Variants in CSRNP3 observed in about 807,000 individuals in gnomAD.
CSRNP3 encodes cysteine and serine rich nuclear protein 3.
A neutral mutation model predicts 48.0 loss-of-function variants in CSRNP3; 12 were observed. The observed-to-expected ratio is 0.25, with a 90% CI of 0.16 to 0.41. The LOEUF is 0.41. Ranked by LOEUF, CSRNP3 falls within the 10% of genes least tolerant of loss-of-function variation. The pLI, the probability that CSRNP3 is intolerant of heterozygous loss-of-function variation, is 1.00. For missense variants in CSRNP3, 580 were observed against 724.4 expected (o/e 0.80, Z 2.29); for synonymous variants, 263 against 269.7 (o/e 0.98, Z 0.24).
At chr2:165,666,146 GAGAGAGGAAGAA>G (rs1687193673) in intron 5 of CSRNP3, among the ~76,000 whole-genome samples, 1 of 134,264 alleles carries the variant, frequency 7.4e-6, no homozygotes, top group African/African-American at 2.8e-5. Context: ...AGGAAGGAAA[GAGAGAGGAAGAA>G]AGAGAGAGAG....
chr2:165,604,248 C>T (rs914700113), intron 4 of CSRNP3, among the ~76,000 whole-genome samples: 1 of 152,174 alleles, frequency 6.6e-6, no homozygotes, highest in African/African-American at 2.4e-5. Flanking sequence ...TATTTATGCA[C>T]ACATCTTATC....
rs917523668 is a variant in CSRNP3, at chr2:165,541,688, C to A, written c.-24+23727C>A. Among the ~76,000 whole-genome samples the A allele has an allele frequency of 1.3e-3, 196 of 152,026 alleles. 1 individual carries two copies. The highest frequency in any genetic ancestry group is 1.8e-3 in the Non-Finnish European group (122 of 68,010). Reference sequence around the variant, plus strand: ...AATATCTCCTAAACTCTCATGTGACCACTGTAGACCTCACACCCATGATCA... The same window carrying A: ...AATATCTCCTAAACTCTCATGTGACAACTGTAGACCTCACACCCATGATCA... On this transcript the variant is annotated intron_variant, in intron 3 of 6. Coordinates refer to ENST00000651982, the MANE Select transcript of CSRNP3 (RefSeq NM_001172173.2).
At chr2:165,531,853 G>A (rs1352330437) in intron 3 of CSRNP3, among the ~76,000 whole-genome samples, 8 of 151,776 alleles carry the variant, frequency 5.3e-5, no homozygotes, top group Non-Finnish European at 1.0e-4. Flanking sequence ...TCAAATAGAC[G>A]CAATAAAAAA....
intron 4 of CSRNP3, among the ~76,000 whole-genome samples, chr2:165,596,552 C>G (rs1002102861): frequency 3.9e-5 from 6 of 151,910 alleles, no homozygotes; most frequent in Non-Finnish European, 8.8e-5. Context: ...ACTAATTAGA[C>G]AATATGATGA....
chr2:165,502,275 A>AT (rs1262129882), intron 2 of CSRNP3, among the ~76,000 whole-genome samples: 7 of 152,020 alleles, frequency 4.6e-5, no homozygotes, highest in Non-Finnish European at 7.4e-5. Flanking sequence ...AATTTCATCA[A>AT]TGTTTATAAA....
chr2:165,594,319 T>C (rs1685774704), intron 3 of CSRNP3, among the ~76,000 whole-genome samples: 1 of 152,220 alleles, frequency 6.6e-6, no homozygotes, highest in Non-Finnish European at 1.5e-5. Flanking sequence ...TACTTGACTG[T>C]GCCAGTTCAT....
At chr2:165,614,187 A>G (rs1558950826) in intron 4 of CSRNP3, among the ~76,000 whole-genome samples, 1 of 151,784 alleles carries the variant, frequency 6.6e-6, no homozygotes, top group Non-Finnish European at 1.5e-5. Context: ...GGTTTTTTTT[A>G]TTTGTAGCTG....
chr2:165,513,250 A>G (rs1161624203), intron 2 of CSRNP3, among the ~76,000 whole-genome samples: 1 of 152,192 alleles, frequency 6.6e-6, no homozygotes, highest in Non-Finnish European at 1.5e-5. Context: ...TAATTATGCA[A>G]TGCTGTATTT....
chr2:165,669,175 T>C (rs1048156864), intron 5 of CSRNP3, among the ~76,000 whole-genome samples: 1 of 152,240 alleles, frequency 6.6e-6, no homozygotes, highest in Admixed American at 6.5e-5. Flanking sequence ...TTCACATTCT[T>C]GTTTCTGGAA....
At chr2:165,498,783 G>A (rs977916906) in intron 2 of CSRNP3, among the ~76,000 whole-genome samples, 2 of 152,058 alleles carry the variant, frequency 1.3e-5, no homozygotes, top group African/African-American at 4.8e-5. Context: ...ATCGTTTGAA[G>A]GATATGGCTT....
At chr2:165,519,902 T>G (rs1027872031) in intron 3 of CSRNP3, among the ~76,000 whole-genome samples, 6 of 152,116 alleles carry the variant, frequency 3.9e-5, no homozygotes, top group Non-Finnish European at 5.9e-5. Flanking sequence ...CTAATGACTT[T>G]GCACTACATA....
At chr2:165,533,062 A>AT (rs1374401715) in intron 3 of CSRNP3, among the ~76,000 whole-genome samples, 1 of 152,112 alleles carries the variant, frequency 6.6e-6, no homozygotes, top group Non-Finnish European at 1.5e-5. Flanking sequence ...AATATGGTAT[A>AT]TTTTAAATGT....
chr2:165,576,699 C>G (rs1237087709), intron 3 of CSRNP3, among the ~76,000 whole-genome samples: 1 of 151,932 alleles, frequency 6.6e-6, no homozygotes. Flanking sequence ...TACTTCCATA[C>G]AAATCTCAGC....
At chr2:165,609,776 GT>G (rs1293720356) in intron 4 of CSRNP3, among the ~76,000 whole-genome samples, 1 of 152,152 alleles carries the variant, frequency 6.6e-6, no homozygotes, top group African/African-American at 2.4e-5. Flanking sequence ...ACATGTGACA[GT>G]TATGCGTTTG....
At chr2:165,619,357 G>C (rs1363058341) in intron 4 of CSRNP3, among the ~76,000 whole-genome samples, 1 of 151,922 alleles carries the variant, frequency 6.6e-6, no homozygotes, top group Admixed American at 6.6e-5. Flanking sequence ...CATACAATCC[G>C]AAAACTACAA....
At chr2:165,559,198 A>G (rs1275728395) in intron 3 of CSRNP3, among the ~76,000 whole-genome samples, 1 of 152,150 alleles carries the variant, frequency 6.6e-6, no homozygotes, top group Non-Finnish European at 1.5e-5. Flanking sequence ...ATTATATTCA[A>G]AATTTTGGTT....
At chr2:165,648,221 G>A (rs1209084255) in intron 4 of CSRNP3, among the ~76,000 whole-genome samples, 3 of 152,094 alleles carry the variant, frequency 2.0e-5, no homozygotes, top group Non-Finnish European at 2.9e-5. Context: ...CTATAAATTT[G>A]ATTGATTTAT....
intron 3 of CSRNP3, among the ~76,000 whole-genome samples, chr2:165,568,278 G>T (rs1574841048): frequency 6.6e-6 from 1 of 151,770 alleles, no homozygotes; most frequent in Non-Finnish European, 1.5e-5. Flanking sequence ...CTTATCCCCT[G>T]GTGACTTTAC....
intron 1 of CSRNP3, among the ~76,000 whole-genome samples, chr2:165,493,714 G>A (rs1292602641): frequency 1.3e-5 from 2 of 152,004 alleles, no homozygotes; most frequent in Non-Finnish European, 2.9e-5. Context: ...GCTCTCCACA[G>A]GTCACACTTC....
Sources: allele counts gnomAD v4.1 joint callset (sites outside exome capture counted in the v4.1 genomes callset), GRCh38; gene constraint gnomAD v4.1.1; transcripts MANE v1.5; gene names NCBI Gene and HGNC (gene_info 2026-07-23, HGNC 2026-07-21).